Variants in MYBPC1 observed in about 807,000 individuals in gnomAD.
MYBPC1 encodes myosin-binding protein C, slow-type.
Under a neutral mutation model 147.1 loss-of-function variants are expected in MYBPC1, and 52 were observed. That is an observed-to-expected ratio of 0.35 (90% CI 0.28 to 0.45). The LOEUF (loss-of-function observed/expected upper bound fraction) is 0.45, where lower values mean the gene tolerates loss of function less well. MYBPC1 is among the 20% of genes least tolerant of loss of function. The pLI is 1.00. For missense variants in MYBPC1, 1,228 were observed against 1,440.3 expected, an observed-to-expected ratio of 0.85 and a Z score of 2.39; for synonymous variants, 477 against 475.9, an observed-to-expected ratio of 1.00 and a Z score of -0.03.
At chr12:101,635,237 T>G (rs73388411) in intron 9 of MYBPC1, among the ~76,000 whole-genome samples, 237 of 152,282 alleles carry the variant, frequency 1.6e-3, no homozygotes, top group African/African-American at 5.1e-3. Flanking sequence ...CTCTGAGAAA[T>G]ATAACCAGCC....
intron 3 of MYBPC1, among the ~76,000 whole-genome samples, chr12:101,623,490 AAAGT>A (rs1887903150): frequency 6.6e-6 from 1 of 152,230 alleles, no homozygotes; most frequent in Non-Finnish European, 1.5e-5. Context: ...TAGTTTCATG[AAAGT>A]AAGTGAATAC....
chr12:101,667,599 C>A (rs544339091), intron 22 of MYBPC1, 133 bp from the exon 23 acceptor site: 24 of 1,088,826 alleles, frequency 2.2e-5, no homozygotes, highest in Non-Finnish European at 3.1e-5. Flanking sequence ...GAGTCCAGAC[C>A]AAAGTCATAA....
rs1233605903 is a variant in MYBPC1, at chr12:101,685,593, T to G, written c.*31T>G. The G allele has an allele frequency of 6.5e-7, 1 of 1,532,228 alleles. No individual in the cohort carries two copies. Among genetic ancestry groups the G allele is most frequent in the African/African-American group, 1.4e-5 (1 of 72,898 alleles). 94.9% of individuals were successfully genotyped at this position (1,532,228 alleles called of 1,614,324 possible). On this transcript the variant is annotated 3_prime_UTR_variant, in exon 32 of 32. Transcript: ENST00000361466. The stretch of plus-strand genomic sequence containing the variant: ...TTGGTCCTCTCTAGGTGGGCTCTCC[T>G]TCTGCAGACTCCTCTTGCAAGGCGT...
chr12:101,664,633 T>A (rs1385993172), intron 22 of MYBPC1: 1 of 152,222 alleles, frequency 6.6e-6, no homozygotes, highest in Non-Finnish European at 1.5e-5. Flanking sequence ...GTGCCTGGAT[T>A]GGGGCACCTG....
At chr12:101,600,394 T>C (rs1368021501) in intron 1 of MYBPC1, 1 of 152,166 alleles carries the variant, frequency 6.6e-6, no homozygotes, top group East Asian at 1.9e-4. Context: ...AACATGAATG[T>C]TGAAGTCAAC....
intron 19 of MYBPC1, 39 bp downstream of exon 19, chr12:101,659,870 G>C (rs1335781098): frequency 6.2e-7 from 1 of 1,609,854 alleles, no homozygotes. Flanking sequence ...GAATCAAGCT[G>C]ACATGTCAAG....
chr12:101,652,640 T>C, intron 16 of MYBPC1, 38 bp from the exon 17 acceptor site: 1 of 1,453,140 alleles, frequency 6.9e-7, no homozygotes, highest in Non-Finnish European at 9.7e-7. Context: ...AAACTAGATC[T>C]TTGGAGTCTT....
Position 101,678,289 on chromosome 12 carries a change from G to A in MYBPC1, c.3246+51G>A, listed in dbSNP as rs546898980. The A allele has an allele frequency of 6.2e-6, 10 of 1,602,704 alleles. No individual in the cohort carries two copies. The South Asian group carries it at 7.7e-5, about 12-fold the overall frequency. On this transcript the variant is annotated intron_variant, in intron 28 of 31. Transcript: ENST00000361466. ...TTAAAGTCCCTGTCTTGTATTTGTT[G>A]TGTTATAATGTAAGTAACAATGTAA...
intron 4 of MYBPC1, 21 bp downstream of exon 4, chr12:101,626,931 T>C (rs749467838): frequency 3.8e-6 from 6 of 1,594,220 alleles, no homozygotes; most frequent in Non-Finnish European, 5.2e-6. Flanking sequence ...TTTCTACCCT[T>C]TTCCCTGCTT....
At position 101,631,629 on chromosome 12, in the gene MYBPC1, T is replaced by C. The variant is rs1889915710; in HGVS notation, c.348T>C (p.Thr116=). The change falls in exon 7 of 32, where the codon ACT becomes ACC. Residue 116 remains threonine (T), a synonymous_variant. Coordinates refer to ENST00000361466, the MANE Select transcript of MYBPC1 (RefSeq NM_002465.4). The part of the protein sequence containing the change: ...VKAEDLLRKP[T]IKWFKGKWMD... ...CTGAAGATCTTCTGAGAAAACCCAC[T>C]ATCAAATGGTTCAAAGGAAAATGGA... The C allele has an allele frequency of 6.2e-7, 1 of 1,614,166 alleles. No homozygotes were observed. The highest frequency in any genetic ancestry group is 1.3e-5 in the African/African-American group (1 of 75,050).
chr12:101,687,083 T>G (rs889144200), downstream of MYBPC1, among the ~76,000 whole-genome samples: 1 of 152,032 alleles, frequency 6.6e-6, no homozygotes, highest in Non-Finnish European at 1.5e-5. Flanking sequence ...ATATATATAT[T>G]TTTATTATAC....
At chr12:101,643,047 T>C (rs972445014) in intron 11 of MYBPC1, among the ~76,000 whole-genome samples, 2 of 152,178 alleles carry the variant, frequency 1.3e-5, no homozygotes, top group Non-Finnish European at 2.9e-5. Context: ...TATTGTGGTC[T>C]GAAATACCTT....
At chr12:101,623,421 G>A (rs1455587635) in intron 3 of MYBPC1, among the ~76,000 whole-genome samples, 2 of 152,180 alleles carry the variant, frequency 1.3e-5, no homozygotes, top group Non-Finnish European at 2.9e-5. Context: ...CCATAAATAT[G>A]TGCAAATATT....
chr12:101,632,860 G>C (rs1434728871), intron 8 of MYBPC1, among the ~76,000 whole-genome samples: 4 of 152,138 alleles, frequency 2.6e-5, no homozygotes, highest in Non-Finnish European at 4.4e-5. Context: ...CTCCCAAATA[G>C]CTGGGATTAC....
At chr12:101,670,899 A>C (rs1898518610) in intron 24 of MYBPC1, among the ~76,000 whole-genome samples, 1 of 152,206 alleles carries the variant, frequency 6.6e-6, no homozygotes, top group African/African-American at 2.4e-5. Flanking sequence ...TATGAACAAT[A>C]TTAAATCATT....
chr12:101,646,870 C>T lies in MYBPC1; in HGVS notation c.1073C>T (p.Thr358Ile). 1 of 1,614,160 alleles carries T rather than the reference C, an allele frequency of 6.2e-7. No individual in the cohort carries two copies. The highest frequency in any genetic ancestry group is 1.7e-5 in the Admixed American group (1 of 60,022). The change falls in exon 13 of 32, where the codon ACT becomes ATT. Residue 358 changes from threonine (T) to isoleucine (I), a missense_variant. By Grantham distance (89) the Thr-to-Ile change is moderately conservative. This residue lies in a region of MYBPC1 where 1,077 missense variants were observed against 1,314.2 expected (regional missense o/e 0.82). Transcript: ENST00000361466. ...YVTAGDEKCSTELFVREPPIM... is the reference protein window; with the variant it reads ...YVTAGDEKCSIELFVREPPIM... ...ACAGCCGGTGATGAGAAATGTTCCA[C>T]TGAGCTCTTCGTAAGAGGTAAAAAT... is the stretch of plus-strand genomic sequence containing the variant.
chr12:101,656,536 G>A (rs1275028963), intron 18 of MYBPC1, among the ~76,000 whole-genome samples: 1 of 152,078 alleles, frequency 6.6e-6, no homozygotes, highest in East Asian at 1.9e-4. Context: ...ACAAAAGAAA[G>A]TATGAGTAAC....
chr12:101,635,503 G>C (rs896782864), intron 9 of MYBPC1, among the ~76,000 whole-genome samples: 1 of 151,972 alleles, frequency 6.6e-6, no homozygotes, highest in Non-Finnish European at 1.5e-5. Context: ...ACTGGTATTA[G>C]GTATTTTTTA....
At chr12:101,641,381 T>C (rs974446808) in intron 10 of MYBPC1, among the ~76,000 whole-genome samples, 2 of 152,224 alleles carry the variant, frequency 1.3e-5, no homozygotes, top group African/African-American at 4.8e-5. Context: ...AGGAAACCAA[T>C]TTGTTTATAC....
Sources: gnomAD v4.1 joint callset for allele counts (sites outside exome capture counted in the v4.1 genomes callset) on GRCh38, gnomAD v4.1.1 for gene constraint, gnomAD v4.1.1 regional missense constraint, MANE v1.5 for transcripts, NCBI Gene and HGNC (gene_info 2026-07-23, HGNC 2026-07-21) for gene names.